The following KCNQ5 variants were observed in gnomAD, a reference collection of about 807,000 sequenced individuals.
KCNQ5 encodes the protein potassium voltage-gated channel subfamily Q member 5, also known as potassium voltage-gated channel subfamily KQT member 5.
Under a neutral mutation model 98.2 loss-of-function variants are expected in KCNQ5, and 30 were observed. The observed-to-expected ratio is 0.31, with a 90% CI of 0.23 to 0.41. KCNQ5 has a LOEUF of 0.41. Among genes scored for constraint, KCNQ5 ranks in the 10% least tolerant of loss-of-function variants. The pLI, the probability that KCNQ5 is intolerant of heterozygous loss-of-function variation, is 1.00. For missense variants in KCNQ5, 835 were observed against 1,182.5 expected, an observed-to-expected ratio of 0.71 and a Z score of 4.31; for synonymous variants, 458 against 449.4, an observed-to-expected ratio of 1.02 and a Z score of -0.24.
At chr6:72,862,956 T>A (rs1777830783) in intron 1 of KCNQ5, among the ~76,000 whole-genome samples, 2 of 152,170 alleles carry the variant, frequency 1.3e-5, no homozygotes, top group South Asian at 4.1e-4. Flanking sequence ...TCTAAAAATT[T>A]ATAATTGTTT....
chr6:72,732,994 C>T (rs890440147), intron 1 of KCNQ5, among the ~76,000 whole-genome samples: 1 of 152,084 alleles, frequency 6.6e-6, no homozygotes, highest in Admixed American at 6.5e-5. Flanking sequence ...GAAGTGAAAA[C>T]AGGAAGGAAA....
chr6:72,825,790 A>G (rs1775967994), intron 1 of KCNQ5, among the ~76,000 whole-genome samples: 2 of 152,174 alleles, frequency 1.3e-5, no homozygotes, highest in Admixed American at 6.6e-5. Context: ...CATGGGAGGC[A>G]CTGTATTTGT....
intron 1 of KCNQ5, among the ~76,000 whole-genome samples, chr6:72,860,200 T>C (rs1185852483): frequency 1.3e-5 from 2 of 152,208 alleles, no homozygotes; most frequent in East Asian, 3.9e-4. Flanking sequence ...ACGATGACAC[T>C]TCTCCAGCCC....
intron 1 of KCNQ5, among the ~76,000 whole-genome samples, chr6:72,876,286 G>C (rs557543514): frequency 6.6e-6 from 1 of 151,922 alleles, no homozygotes; most frequent in East Asian, 1.9e-4. Context: ...CATTTAATAG[G>C]GTTAAAATTC....
chr6:72,952,249 A>T (rs1177039778), intron 1 of KCNQ5, among the ~76,000 whole-genome samples: 4 of 152,264 alleles, frequency 2.6e-5, no homozygotes, highest in Admixed American at 2.6e-4. Context: ...ACACAGACAC[A>T]CACACAGAAA....
chr6:72,871,871 A>AT (rs1778221906), intron 1 of KCNQ5, among the ~76,000 whole-genome samples: 1 of 152,058 alleles, frequency 6.6e-6, no homozygotes, highest in African/African-American at 2.4e-5. Context: ...GTAACCTCAT[A>AT]TTTTTTCCTC....
At chr6:72,999,072 G>A (rs1394678100) in intron 1 of KCNQ5, among the ~76,000 whole-genome samples, 1 of 152,178 alleles carries the variant, frequency 6.6e-6, no homozygotes, top group East Asian at 1.9e-4. Context: ...GTTCAGTAGA[G>A]CTTTTCTGAA....
In KCNQ5 at chr6:73,120,190, G is replaced by C. The variant is rs927630342; in HGVS notation, c.1126-293G>C. 2.6e-5 allele frequency among the ~76,000 whole-genome samples: 4 copies of C among 152,170 alleles called. No homozygotes were observed. The East Asian group carries it at 5.8e-4, about 22-fold the overall frequency. On this transcript the variant is annotated intron_variant, in intron 7 of 13. Transcript: ENST00000370398. ...GAACCCAGAAGGCAGAGATTGCAAT[G>C]AGCTGAGATCGCACCACTGCACTCC...
At chr6:73,147,480 A>C (rs1483597479) in intron 10 of KCNQ5, among the ~76,000 whole-genome samples, 2 of 152,134 alleles carry the variant, frequency 1.3e-5, no homozygotes, top group Admixed American at 1.3e-4. Context: ...GAGTTTTAAG[A>C]GTCCTCATGT....
At chr6:73,158,090 C>G (rs1483486920) in intron 10 of KCNQ5, 1 of 507,992 alleles carries the variant, frequency 2.0e-6, no homozygotes, top group African/African-American at 1.9e-5. Flanking sequence ...CGCGCTGGAG[C>G]CAGTACAGGT....
At chr6:73,150,562 C>T (rs1025492144) in intron 10 of KCNQ5, among the ~76,000 whole-genome samples, 24 of 147,032 alleles carry the variant, frequency 1.6e-4, no homozygotes, top group East Asian at 2.0e-4. Flanking sequence ...AATAATATTC[C>T]GTAGCATGTA....
intron 7 of KCNQ5, among the ~76,000 whole-genome samples, chr6:73,112,319 T>C (rs1310127695): frequency 6.6e-6 from 1 of 151,812 alleles, no homozygotes; most frequent in Non-Finnish European, 1.5e-5. Flanking sequence ...TTTGTTGCTG[T>C]TGTTGTTTTG....
intron 1 of KCNQ5, among the ~76,000 whole-genome samples, chr6:72,783,665 T>C (rs1049143577): frequency 1.6e-4 from 24 of 152,196 alleles, no homozygotes; most frequent in African/African-American, 5.3e-4. Context: ...GAGCATATCA[T>C]TGTGTTGAAA....
At chr6:72,941,008 G>A (rs968384740) in intron 1 of KCNQ5, among the ~76,000 whole-genome samples, 7 of 152,018 alleles carry the variant, frequency 4.6e-5, no homozygotes, top group Non-Finnish European at 1.0e-4. Context: ...ATAATATGAA[G>A]GACATTAGTG....
At chr6:72,761,793 A>C (rs1772296260) in intron 1 of KCNQ5, among the ~76,000 whole-genome samples, 1 of 152,072 alleles carries the variant, frequency 6.6e-6, no homozygotes, top group South Asian at 2.1e-4. Context: ...TAATGCCCTA[A>C]AATATTACAG....
At chr6:72,950,244 A>G (rs1188178276) in intron 1 of KCNQ5, among the ~76,000 whole-genome samples, 1 of 152,212 alleles carries the variant, frequency 6.6e-6, no homozygotes, top group Non-Finnish European at 1.5e-5. Context: ...TAGCGTATTC[A>G]GTATCATTTC....
intron 1 of KCNQ5, among the ~76,000 whole-genome samples, chr6:72,916,636 A>G (rs1322989807): frequency 6.6e-6 from 1 of 152,106 alleles, no homozygotes; most frequent in Admixed American, 6.5e-5. Flanking sequence ...AAGGGAGAAC[A>G]TTTTTCCTAT....
At chr6:73,129,924 G>A in intron 9 of KCNQ5, 2 of 1,169,144 alleles carry the variant, frequency 1.7e-6, no homozygotes, top group South Asian at 2.6e-5. Flanking sequence ...AGGTTACACC[G>A]CCACCCCACC....
At chr6:72,714,059 C>G (rs1769513706) in intron 1 of KCNQ5, among the ~76,000 whole-genome samples, 1 of 152,146 alleles carries the variant, frequency 6.6e-6, no homozygotes. Flanking sequence ...GTTAGCTCAC[C>G]TATGTGTCCT....
Sources: gnomAD v4.1 joint callset for allele counts (sites outside exome capture counted in the v4.1 genomes callset) on GRCh38, gnomAD v4.1.1 for gene constraint, MANE v1.5 for transcripts, NCBI Gene and HGNC (gene_info 2026-07-23, HGNC 2026-07-21) for gene names.